The following EML6 variants were observed in gnomAD, a reference collection of about 807,000 sequenced individuals.
EML6 encodes EMAP like 6.
In EML6, 154 loss-of-function variants were observed where a neutral mutation model predicts 240.1. The observed-to-expected ratio is 0.64, with a 90% CI of 0.56 to 0.73. EML6 has a LOEUF of 0.73. Among genes scored for constraint, EML6 ranks in the 30% least tolerant of loss-of-function variants. EML6 has a pLI of 0.00. For missense variants in EML6, 2,964 were observed against 2,474.6 expected, an observed-to-expected ratio of 1.20 and a Z score of -4.20; for synonymous variants, 1,148 against 899.0, an observed-to-expected ratio of 1.28 and a Z score of -4.95.
chr2:54,940,055 C>T (rs1043514228), intron 28 of EML6, among the ~76,000 whole-genome samples: 1 of 152,148 alleles, frequency 6.6e-6, no homozygotes, highest in Non-Finnish European at 1.5e-5. Context: ...CTTAGGAAAC[C>T]AAGGAACTTT....
At chr2:54,814,283 T>C (rs1322787547) in intron 3 of EML6, among the ~76,000 whole-genome samples, 1 of 152,212 alleles carries the variant, frequency 6.6e-6, no homozygotes, top group African/African-American at 2.4e-5. Flanking sequence ...AGTGTCCTGC[T>C]CACCCTTTTG....
chr2:54,824,781 GC>G (rs1055438635), intron 5 of EML6, among the ~76,000 whole-genome samples: 2 of 152,130 alleles, frequency 1.3e-5, no homozygotes, highest in African/African-American at 4.8e-5. Flanking sequence ...ACTACCTAGG[GC>G]TAGATGAACT....
chr2:54,810,735 C>T (rs1249525302), intron 2 of EML6, among the ~76,000 whole-genome samples: 2 of 152,086 alleles, frequency 1.3e-5, no homozygotes, highest in Non-Finnish European at 2.9e-5. Context: ...TTTGTTAATG[C>T]CTACTCTGCT....
At chr2:54,871,673 C>CCG (rs1671265513) in intron 16 of EML6, 68 bp downstream of exon 16, 1 of 1,155,912 alleles carries the variant, frequency 8.7e-7, no homozygotes, top group Admixed American at 2.0e-5. Context: ...AGAGTATGCC[C>CCG]CGCGCATGCG....
chr2:54,863,989 G>C, intron 13 of EML6, 100 bp downstream of exon 13: 1 of 645,034 alleles, frequency 1.6e-6, no homozygotes, highest in Non-Finnish European at 2.6e-6. Context: ...TAGACAAAGA[G>C]AATTGAGGCA....
chr2:54,830,215 C>T (rs141657344), intron 7 of EML6, among the ~76,000 whole-genome samples: 7 of 152,084 alleles, frequency 4.6e-5, no homozygotes, highest in East Asian at 1.9e-4. Context: ...AATTTACAGC[C>T]GAGAAAGATT....
chr2:54,729,245 A>G (rs966981444), intron 2 of EML6, among the ~76,000 whole-genome samples: 2 of 152,222 alleles, frequency 1.3e-5, no homozygotes, highest in African/African-American at 4.8e-5. Context: ...TATCTGCTGC[A>G]GTCTCACCTC....
chr2:54,893,635 A>G (rs1364515276), intron 19 of EML6, among the ~76,000 whole-genome samples: 1 of 152,202 alleles, frequency 6.6e-6, no homozygotes, highest in African/African-American at 2.4e-5. Context: ...GCCAGCAAAT[A>G]TCAACTTCTT....
intron 25 of EML6, among the ~76,000 whole-genome samples, chr2:54,915,873 G>A (rs1673883241): frequency 6.6e-6 from 1 of 152,058 alleles, no homozygotes; most frequent in Admixed American, 6.5e-5. Flanking sequence ...GGAATATTAA[G>A]GTATAATAGC....
chr2:54,725,017 G>A lies in EML6; in HGVS notation c.-45G>A, dbSNP rs1682840030. On this transcript the variant is annotated 5_prime_UTR_variant, in exon 2 of 42. Coordinates refer to ENST00000356458, the MANE Select transcript of EML6 (RefSeq NM_001039753.4). This position sits in a 1 kb window ranked among gnomAD's most constrained non-coding sequence, Gnocchi z 4.3. ...CGCAGCCCCAGCCTCGGCGAGGACGGCCCCGGCGCGCGGGGGGGCGGGGGG... is the reference window on the plus strand; with the variant it reads ...CGCAGCCCCAGCCTCGGCGAGGACGACCCCGGCGCGCGGGGGGGCGGGGGG... The A allele has an allele frequency of 6.9e-7, 1 of 1,451,698 alleles. No homozygotes were observed. The highest frequency in any genetic ancestry group is 1.4e-5 in the South Asian group (1 of 71,864). The allele number at this position is 1,451,698 out of a possible 1,614,324, so 89.9% of individuals were successfully genotyped here. A position where few individuals can be genotyped will look rare whatever the true frequency, so the allele number is the denominator to read the frequency against.
intron 17 of EML6, among the ~76,000 whole-genome samples, chr2:54,884,565 A>G (rs1412387923): frequency 6.6e-6 from 1 of 152,216 alleles, no homozygotes; most frequent in Non-Finnish European, 1.5e-5. Flanking sequence ...CATCAAGTCA[A>G]TCATGAGCAT....
At chr2:54,904,214 T>C (rs958171817) in intron 24 of EML6, among the ~76,000 whole-genome samples, 2 of 152,040 alleles carry the variant, frequency 1.3e-5, no homozygotes, top group Non-Finnish European at 2.9e-5. Flanking sequence ...TAAGCAGTGG[T>C]GAGTCACAAG....
intron 3 of EML6, among the ~76,000 whole-genome samples, chr2:54,814,555 C>T (rs1572941279): frequency 2.0e-5 from 3 of 152,280 alleles, no homozygotes; most frequent in South Asian, 4.2e-4. Context: ...TCTCACCCTG[C>T]GTGTTTCTGC....
intron 11 of EML6, among the ~76,000 whole-genome samples, chr2:54,858,492 A>G (rs1004832919): frequency 2.0e-5 from 3 of 152,226 alleles, no homozygotes; most frequent in East Asian, 1.9e-4. Context: ...CAATTACTCA[A>G]TCATGAGCCA....
intron 26 of EML6, among the ~76,000 whole-genome samples, chr2:54,923,235 C>A (rs149672182): frequency 4.6e-5 from 7 of 152,176 alleles, no homozygotes; most frequent in Admixed American, 2.6e-4. Flanking sequence ...GCCACCACGC[C>A]TGGCCAAAGA....
intron 12 of EML6, among the ~76,000 whole-genome samples, chr2:54,862,263 G>A (rs754197024): frequency 1.0e-4 from 15 of 148,772 alleles, no homozygotes; most frequent in East Asian, 2.0e-4. Flanking sequence ...TGCTTGAACC[G>A]GGAGGTGAAG....
intron 9 of EML6, 135 bp from the exon 10 acceptor site, chr2:54,849,827 C>T (rs1417137713): frequency 5.5e-6 from 4 of 729,858 alleles, no homozygotes; most frequent in Non-Finnish European, 8.7e-6. Context: ...TATATATTTA[C>T]TCAAAAGTTA....
intron 2 of EML6, among the ~76,000 whole-genome samples, chr2:54,761,997 G>C (rs1558531519): frequency 6.6e-6 from 1 of 152,016 alleles, no homozygotes; most frequent in East Asian, 1.9e-4. Flanking sequence ...ATTTAATGTT[G>C]ACACAATACT....
chr2:54,831,060 C>T (rs1220488748), intron 7 of EML6, among the ~76,000 whole-genome samples: 3 of 152,080 alleles, frequency 2.0e-5, no homozygotes, highest in Non-Finnish European at 2.9e-5. Context: ...TGCAAGTACC[C>T]GTAAGAGCAA....
Sources: allele counts gnomAD v4.1 joint callset (sites outside exome capture counted in the v4.1 genomes callset), GRCh38; gene constraint gnomAD v4.1.1; non-coding constraint Gnocchi (gnomAD v3.1); transcripts MANE v1.5; gene names NCBI Gene and HGNC (gene_info 2026-07-23, HGNC 2026-07-21).